Variants in MTG1 observed in about 807,000 individuals in gnomAD.
The protein encoded by MTG1 is mitochondrial ribosome associated GTPase 1.
A neutral mutation model predicts 39.5 loss-of-function variants in MTG1; 30 were observed. The ratio of observed to expected loss-of-function variants is 0.76; its 90% CI spans 0.57 to 1.03. The LOEUF (loss-of-function observed/expected upper bound fraction) is 1.03. MTG1 is among the 50% of genes least tolerant of loss of function. The pLI is 0.00. For missense variants in MTG1, 513 were observed against 447.4 expected (o/e 1.15, Z -1.32); for synonymous variants, 217 against 179.0 (o/e 1.21, Z -1.69).
intron 9 of MTG1, among the ~76,000 whole-genome samples, chr10:133,412,152 A>G (rs943786293): frequency 1.3e-5 from 2 of 151,342 alleles, no homozygotes; most frequent in Non-Finnish European, 2.9e-5. Flanking sequence ...TCATCCTCAG[A>G]TTTGAGTTCT....
In MTG1 at chr10:133,420,749, C is replaced by G. The variant is rs375257298; in HGVS notation, c.*584C>G. ...CCCAGCAGCAGAGCCCAAGCACTGG[C>G]TTCGCCCCTCAGTGCCCTGGGGCAT... On this transcript the variant is annotated 3_prime_UTR_variant, in exon 11 of 11. Coordinates refer to ENST00000317502, the MANE Select transcript of MTG1 (RefSeq NM_138384.4). 14 of 152,738 alleles carry G rather than the reference C, an allele frequency of 9.2e-5. No homozygotes were observed. The highest frequency in any genetic ancestry group is 3.4e-4 in the African/African-American group (14 of 41,606). The allele number at this position is 152,738 out of a possible 1,614,324, so 9.5% of individuals were successfully genotyped here.
chr10:133,394,310 G>A lies in MTG1; in HGVS notation c.90G>A (p.Trp30Ter), dbSNP rs771407090. 40 of 1,515,802 alleles carry A rather than the reference G, an allele frequency of 2.6e-5. No homozygotes were observed. The highest frequency in any genetic ancestry group is 1.3e-4 in the South Asian group (11 of 81,792). The allele number at this position is 1,515,802 out of a possible 1,614,324, so 93.9% of individuals were successfully genotyped here. A position where few individuals can be genotyped will look rare whatever the true frequency, so the allele number is the denominator to read the frequency against. The change falls in exon 1 of 11, where the codon TGG (tryptophan) becomes TGA (stop). Residue 30 changes from tryptophan (W) to a stop codon, truncating the protein, a stop_gained. Transcript: ENST00000317502. LOFTEE classifies it high-confidence loss of function. ...TGTGCGGTCGCGACGTGGCGCGCTG[G>A]TTCCCGGGCCACATGGCCAAGGGTG... ...FPLCGRDVAR[W>*]FPGHMAKGLK...
chr10:133,417,528 G>A (rs1207421769), intron 9 of MTG1, among the ~76,000 whole-genome samples: 3 of 151,370 alleles, frequency 2.0e-5, no homozygotes, highest in Non-Finnish European at 4.4e-5. Context: ...TTCTGGCCAG[G>A]GCAGTTAGGC....
chr10:133,394,296 G>A lies in MTG1; in HGVS notation c.76G>A (p.Asp26Asn). ...GGAGAACTTCCCCCTGTGCGGTCGC[G>A]ACGTGGCGCGCTGGTTCCCGGGCCA... ...WRENFPLCGRDVARWFPGHMA... is the reference protein window; with the variant it reads ...WRENFPLCGRNVARWFPGHMA... The change falls in exon 1 of 11, where the codon GAC (aspartate) becomes AAC (asparagine). Residue 26 changes from aspartate (D) to asparagine (N), a missense_variant. Transcript: ENST00000317502. 1 of 1,516,524 alleles carries A rather than the reference G, an allele frequency of 6.6e-7. No homozygotes were observed. Among genetic ancestry groups the A allele is most frequent in the Non-Finnish European group, 8.8e-7 (1 of 1,136,632 alleles). 93.9% of individuals were successfully genotyped at this position (1,516,524 alleles called of 1,614,324 possible).
In MTG1 at chr10:133,399,542, G is replaced by C; in HGVS notation, c.434G>C (p.Cys145Ser). The C allele has an allele frequency of 6.2e-7, 1 of 1,614,180 alleles. No individual in the cohort carries two copies. Among genetic ancestry groups the C allele is most frequent in the East Asian group, 2.2e-5 (1 of 44,880 alleles). ...RYHRKENLEYCIMVIGVPNVG... is the reference protein window; with the variant it reads ...RYHRKENLEYSIMVIGVPNVG... The stretch of plus-strand genomic sequence containing the variant: ...CTGCCTGCGCAGAACCTGGAGTACT[G>C]TATCATGGTCATTGGGGTCCCCAAC... Residue 145 changes from cysteine to serine, a missense_variant, in exon 6 of 11, where the codon TGT becomes TCT. Physicochemically the swap from Cys to Ser is moderately radical, Grantham distance 112. Coordinates refer to ENST00000317502, the MANE Select transcript of MTG1 (RefSeq NM_138384.4).
At position 133,422,371 on chromosome 10, in the gene MTG1, G is replaced by A. The variant is rs1277855806; in HGVS notation, c.*2206G>A. The A allele has an allele frequency of 1.3e-5, 2 of 152,410 alleles. No homozygotes were observed. Among genetic ancestry groups the A allele is most frequent in the African/African-American group, 2.4e-5 (1 of 41,450 alleles). The allele number at this position is 152,410 out of a possible 1,614,324, so 9.4% of individuals were successfully genotyped here. A position where few individuals can be genotyped will look rare whatever the true frequency, so the allele number is the denominator to read the frequency against. On this transcript the variant is annotated 3_prime_UTR_variant, in exon 11 of 11. Coordinates refer to ENST00000317502, the MANE Select transcript of MTG1 (RefSeq NM_138384.4). ...CTGTGCCCAGGGAGGCCTCTTCAGC[G>A]GGATTGGCAGTTGCTGTGCCCTGAG...
At chr10:133,414,698 AG>A (rs1206732379) in intron 9 of MTG1, among the ~76,000 whole-genome samples, 2 of 152,104 alleles carry the variant, frequency 1.3e-5, no homozygotes, top group Non-Finnish European at 2.9e-5. Context: ...GGCCAGGCAG[AG>A]GGGCTCCTCA....
chr10:133,413,139 C>T (rs1317945465), intron 9 of MTG1, among the ~76,000 whole-genome samples: 1 of 152,166 alleles, frequency 6.6e-6, no homozygotes, highest in African/African-American at 2.4e-5. Context: ...GAGACAGAGT[C>T]TCACTCTGTT....
chr10:133,413,489 A>G (rs944788415), intron 9 of MTG1, among the ~76,000 whole-genome samples: 41 of 152,070 alleles, frequency 2.7e-4, no homozygotes, highest in African/African-American at 8.9e-4. Context: ...CCTGACCTCA[A>G]GTGATCCACG....
In MTG1 at chr10:133,401,308, G is replaced by A. The variant is rs143760288; in HGVS notation, c.512-221G>A. On this transcript the variant is annotated intron_variant, in intron 6 of 10. Coordinates refer to ENST00000317502, the MANE Select transcript of MTG1 (RefSeq NM_138384.4). Reference sequence around the variant, plus strand: ...GCTGTGAGCTGGTTTGTGACTGAAAGTGAAACAAATTATAGCCTTGGGAAG... The same window carrying A: ...GCTGTGAGCTGGTTTGTGACTGAAAATGAAACAAATTATAGCCTTGGGAAG... 7.9e-3 allele frequency: 3,689 copies of A among 468,910 alleles called. 33 individuals carry two copies. Among genetic ancestry groups the A allele is most frequent in the Non-Finnish European group, 9.1e-3 (2,429 of 267,348 alleles). The allele number at this position is 468,910 out of a possible 1,614,324, so 29.0% of individuals were successfully genotyped here. A position where few individuals can be genotyped will look rare whatever the true frequency, so the allele number is the denominator to read the frequency against.
At chr10:133,408,383 C>A (rs946721095) in intron 9 of MTG1, among the ~76,000 whole-genome samples, 8 of 152,146 alleles carry the variant, frequency 5.3e-5, no homozygotes, top group Admixed American at 5.2e-4. Flanking sequence ...GTTAAACCAT[C>A]CTTGCAACCT....
chr10:133,404,078 CT>C (rs34621367), intron 9 of MTG1, among the ~76,000 whole-genome samples: 35,412 of 138,722 alleles, frequency 0.26, 4,627 homozygotes, highest in Middle Eastern at 0.36. Flanking sequence ...ATCCTTTTCC[CT>C]TTTTTTTTTT....
At chr10:133,419,456 T>C (rs2133519820) in intron 9 of MTG1, 24 bp from the exon 10 acceptor site, 3 of 1,565,316 alleles carry the variant, frequency 1.9e-6, no homozygotes, top group Non-Finnish European at 2.6e-6. Context: ...GGCCCCCTGG[T>C]GCTGACCTGC....
At chr10:133,395,908 T>G (rs1849775119) in intron 2 of MTG1, 131 bp downstream of exon 2, 1 of 967,480 alleles carries the variant, frequency 1.0e-6, no homozygotes, top group Non-Finnish European at 1.6e-6. Context: ...ATCTGTGATG[T>G]GGGGTCCAGA....
At chr10:133,396,383 C>T in intron 3 of MTG1, 116 bp downstream of exon 3, 4 of 874,906 alleles carry the variant, frequency 4.6e-6, no homozygotes, top group Non-Finnish European at 7.4e-6. Context: ...GCAGGCTCTG[C>T]TTTAGAAACA....
At chr10:133,418,443 G>T (rs1357279221) in intron 9 of MTG1, among the ~76,000 whole-genome samples, 2 of 152,016 alleles carry the variant, frequency 1.3e-5, no homozygotes, top group Non-Finnish European at 2.9e-5. Context: ...CCATTGGCAG[G>T]TCTCGGGGGT....
chr10:133,399,515 C>G lies in MTG1; in HGVS notation c.421-14C>G, dbSNP rs982872579. 1.9e-6 allele frequency: 3 copies of G among 1,612,974 alleles called. No homozygotes were observed. The highest frequency in any genetic ancestry group is 2.5e-6 in the Non-Finnish European group (3 of 1,179,212). On this transcript the variant is annotated splice_polypyrimidine_tract_variant and intron_variant, in intron 5 of 10. Coordinates refer to ENST00000317502, the MANE Select transcript of MTG1 (RefSeq NM_138384.4). ...CCACGGTGGGCCCTGTGACCCCTCT[C>G]TCTGCCTGCGCAGAACCTGGAGTAC...
chr10:133,413,366 G>A (rs1034971503), intron 9 of MTG1, among the ~76,000 whole-genome samples: 11 of 151,478 alleles, frequency 7.3e-5, no homozygotes, highest in African/African-American at 1.9e-4. Flanking sequence ...CACCCATGTC[G>A]GCCTCCCAAA....
intron 6 of MTG1, among the ~76,000 whole-genome samples, chr10:133,400,724 CT>C (rs1849862279): frequency 2.6e-5 from 4 of 152,108 alleles, no homozygotes; most frequent in Admixed American, 1.3e-4. Flanking sequence ...TTTTGGTTAC[CT>C]GAAAATGAAA....
Sources: gnomAD v4.1 joint callset for allele counts (sites outside exome capture counted in the v4.1 genomes callset) on GRCh38, gnomAD v4.1.1 for gene constraint, MANE v1.5 for transcripts, NCBI Gene and HGNC (gene_info 2026-07-23, HGNC 2026-07-21) for gene names.